The following CLEC16A variants were observed in gnomAD, a reference collection of about 807,000 sequenced individuals.
CLEC16A encodes protein CLEC16A.
Under a neutral mutation model 109.5 loss-of-function variants are expected in CLEC16A, and 51 were observed. The observed-to-expected ratio is 0.47, with a 90% CI of 0.37 to 0.59. The LOEUF is 0.59. Ranked by LOEUF, CLEC16A falls within the 20% of genes least tolerant of loss-of-function variation. The pLI, the probability that CLEC16A is intolerant of heterozygous loss-of-function variation, is 0.00. For synonymous variants in CLEC16A, 673 were observed against 564.2 expected, an observed-to-expected ratio of 1.19 and a Z score of -2.73; for missense variants, 1,339 against 1,394.0, an observed-to-expected ratio of 0.96 and a Z score of 0.63.
rs140183999 is a variant in CLEC16A, at chr16:11,058,356, G to A, written c.1996-2546G>A. On this transcript the variant is annotated intron_variant, in intron 18 of 23. Transcript: ENST00000409790. Reference sequence around the variant, plus strand: ...TGCTCAAGTCCCTTATATAAACGGCGTAGTGTTTGCATATAACCTATGCAC... The same window carrying A: ...TGCTCAAGTCCCTTATATAAACGGCATAGTGTTTGCATATAACCTATGCAC... 6.6e-5 allele frequency among the ~76,000 whole-genome samples: 10 copies of A among 152,306 alleles called. No homozygotes were observed. In the East Asian group the frequency reaches 9.7e-4, roughly 15 times the overall value.
chr16:11,042,005 G>T, intron 14 of CLEC16A: 1 of 472,200 alleles, frequency 2.1e-6, no homozygotes, highest in South Asian at 2.8e-5. Flanking sequence ...TCTTTTTCCT[G>T]CACCCTGTCA....
At position 11,174,003 on chromosome 16, in the gene CLEC16A, G is replaced by A. The variant is rs77256009; in HGVS notation, c.2807-4332G>A. ...ATGGGGGGCCAGCGCCCCATGCACC[G>A]GTGGCCACAAGCCCATGCTGGGCAC... On this transcript the variant is annotated intron_variant, in intron 23 of 23. Transcript: ENST00000409790. The surrounding 1 kb of genome is among the most constrained non-coding windows in gnomAD (Gnocchi z 4.7). Among the ~76,000 whole-genome samples, 661 of 152,242 alleles carry A rather than the reference G, an allele frequency of 4.3e-3. 8 individuals carry two copies. The highest frequency in any genetic ancestry group is 0.03 in the Admixed American group (454 of 15,304).
At chr16:11,087,523 G>C (rs1480782164) in intron 19 of CLEC16A, among the ~76,000 whole-genome samples, 1 of 152,212 alleles carries the variant, frequency 6.6e-6, no homozygotes, top group Non-Finnish European at 1.5e-5. Flanking sequence ...GACAGATTTT[G>C]CTTGGCAGAC....
intron 11 of CLEC16A, among the ~76,000 whole-genome samples, chr16:11,005,617 C>T (rs1353411765): frequency 1.3e-5 from 2 of 152,204 alleles, no homozygotes; most frequent in African/African-American, 4.8e-5. Flanking sequence ...GGCAACAGCA[C>T]TTGTATTCTG....
intron 16 of CLEC16A, 179 bp downstream of exon 16, chr16:11,044,251 C>A: frequency 2.2e-6 from 1 of 454,292 alleles, no homozygotes. Context: ...ACTTTTCTGT[C>A]CAAGCTGTCT....
intron 2 of CLEC16A, among the ~76,000 whole-genome samples, chr16:10,958,786 C>G (rs1034879427): frequency 5.9e-5 from 9 of 152,058 alleles, no homozygotes; most frequent in African/African-American, 2.2e-4. Flanking sequence ...TGCCTGTGTT[C>G]CCAGCTACTC....
chr16:10,978,767 C>T (rs778987891), intron 8 of CLEC16A, among the ~76,000 whole-genome samples: 2 of 152,216 alleles, frequency 1.3e-5, no homozygotes, highest in Non-Finnish European at 2.9e-5. Context: ...TTCAGACCTG[C>T]ATTCAAATTC....
intron 10 of CLEC16A, among the ~76,000 whole-genome samples, chr16:10,991,177 G>A (rs2043983093): frequency 6.6e-6 from 1 of 152,088 alleles, no homozygotes; most frequent in African/African-American, 2.4e-5. Flanking sequence ...TGAAGCAGAG[G>A]ATGGACATGG....
intron 13 of CLEC16A, among the ~76,000 whole-genome samples, chr16:11,026,023 C>G (rs1567212613): frequency 6.6e-6 from 1 of 152,226 alleles, no homozygotes. Context: ...TATTTCAGCA[C>G]ATGGGTTCAC....
chr16:10,992,378 T>G (rs575870586), intron 10 of CLEC16A, among the ~76,000 whole-genome samples: 63 of 152,056 alleles, frequency 4.1e-4, no homozygotes, highest in Non-Finnish European at 7.8e-4. Flanking sequence ...GAGATCATGC[T>G]GGAAGACAGA....
At chr16:11,125,759 C>T (rs986398719) in intron 21 of CLEC16A, among the ~76,000 whole-genome samples, 1 of 152,184 alleles carries the variant, frequency 6.6e-6, no homozygotes, top group African/African-American at 2.4e-5. Flanking sequence ...CAACCTTGGC[C>T]CGAAGCCCTC....
chr16:11,148,774 GCCAA>G (rs2054173417), intron 22 of CLEC16A, among the ~76,000 whole-genome samples: 1 of 152,118 alleles, frequency 6.6e-6, no homozygotes, highest in South Asian at 2.1e-4. Context: ...CAAATAATGA[GCCAA>G]CGGCTGGCAC....
chr16:11,166,670 G>A (rs1211963433), intron 23 of CLEC16A, 118 bp downstream of exon 23: 6 of 1,021,074 alleles, frequency 5.9e-6, no homozygotes, highest in Non-Finnish European at 6.8e-6. Context: ...GGATGATGCC[G>A]CTCAGGTGAT....
intron 13 of CLEC16A, among the ~76,000 whole-genome samples, chr16:11,031,473 G>C (rs540403752): frequency 6.6e-6 from 1 of 152,206 alleles, no homozygotes; most frequent in South Asian, 2.1e-4. Context: ...GTTCCCGCCT[G>C]GGCATCCTAC....
intron 22 of CLEC16A, 81 bp from the exon 23 acceptor site, chr16:11,166,307 G>C: frequency 6.9e-7 from 1 of 1,453,008 alleles, no homozygotes; most frequent in Non-Finnish European, 9.2e-7. Flanking sequence ...CTGAGGTTGG[G>C]TTGTTCAGTG....
At chr16:11,003,457 A>G (rs896215289) in intron 11 of CLEC16A, among the ~76,000 whole-genome samples, 152 bp downstream of exon 11, 3 of 152,108 alleles carry the variant, frequency 2.0e-5, no homozygotes, top group East Asian at 1.9e-4. Flanking sequence ...ACCTCATTCT[A>G]TACAGCCCTG....
chr16:11,108,980 G>A (rs1475935991), intron 19 of CLEC16A, among the ~76,000 whole-genome samples: 3 of 151,760 alleles, frequency 2.0e-5, no homozygotes, highest in African/African-American at 4.8e-5. Context: ...GCGTGGTGGC[G>A]GGCGCCTGTA....
chr16:11,072,197 C>T (rs777887389), intron 19 of CLEC16A, among the ~76,000 whole-genome samples: 14 of 152,130 alleles, frequency 9.2e-5, no homozygotes, highest in Non-Finnish European at 1.9e-4. Flanking sequence ...TCTTGGCTCA[C>T]TGCAGCCTCG....
intron 22 of CLEC16A, among the ~76,000 whole-genome samples, chr16:11,138,737 T>C (rs1280848433): frequency 6.6e-6 from 1 of 152,236 alleles, no homozygotes; most frequent in Non-Finnish European, 1.5e-5. Context: ...CAGCGTATCC[T>C]GGAGTGTTTT....
Sources: gnomAD v4.1 joint callset for allele counts (sites outside exome capture counted in the v4.1 genomes callset) on GRCh38, gnomAD v4.1.1 for gene constraint, Gnocchi (gnomAD v3.1) non-coding constraint, MANE v1.5 for transcripts, NCBI Gene and HGNC (gene_info 2026-07-23, HGNC 2026-07-21) for gene names.